CHRM3: variants seen among roughly 807,000 people sequenced by gnomAD.
CHRM3 encodes the protein cholinergic receptor muscarinic 3.
A neutral mutation model predicts 41.8 loss-of-function variants in CHRM3; 11 were observed. That is an observed-to-expected ratio of 0.26 (90% CI 0.17 to 0.44). CHRM3 has a LOEUF of 0.44. Among genes scored for constraint, CHRM3 ranks in the 20% least tolerant of loss-of-function variants. CHRM3 has a pLI of 1.00. For missense variants in CHRM3, 571 were observed against 745.4 expected, an observed-to-expected ratio of 0.77 and a Z score of 2.72; for synonymous variants, 297 against 301.4, an observed-to-expected ratio of 0.99 and a Z score of 0.15.
At chr1:239,873,354 T>A (rs540308222) in intron 6 of CHRM3, among the ~76,000 whole-genome samples, 20 of 152,228 alleles carry the variant, frequency 1.3e-4, no homozygotes, top group African/African-American at 2.4e-4. Context: ...TCTTTTTTTT[T>A]ATTTATTTTT....
At chr1:239,497,845 G>T (rs1244381311) in intron 2 of CHRM3, among the ~76,000 whole-genome samples, 1 of 152,178 alleles carries the variant, frequency 6.6e-6, no homozygotes, top group Non-Finnish European at 1.5e-5. Flanking sequence ...AGGGGGCAGG[G>T]ATCTGCCATG....
intron 3 of CHRM3, among the ~76,000 whole-genome samples, chr1:239,566,354 C>T (rs1661363155): frequency 6.6e-6 from 1 of 152,208 alleles, no homozygotes; most frequent in Admixed American, 6.5e-5. Context: ...TCCAGCAAGA[C>T]ATTACTCACT....
intron 1 of CHRM3, among the ~76,000 whole-genome samples, chr1:239,466,698 T>C (rs1198302269): frequency 6.6e-6 from 1 of 151,848 alleles, no homozygotes; most frequent in Non-Finnish European, 1.5e-5. Flanking sequence ...TCTGGGCCTC[T>C]AGCAATCCTC....
intron 3 of CHRM3, among the ~76,000 whole-genome samples, chr1:239,548,860 A>G (rs952950722): frequency 1.3e-5 from 2 of 152,222 alleles, no homozygotes; most frequent in Admixed American, 1.3e-4. Flanking sequence ...GGAAAAAAGC[A>G]AGGTTATGCG....
At chr1:239,588,417 A>G (rs1012471145) in intron 3 of CHRM3, among the ~76,000 whole-genome samples, 1 of 152,182 alleles carries the variant, frequency 6.6e-6, no homozygotes, top group Non-Finnish European at 1.5e-5. Flanking sequence ...ACCCTCAACA[A>G]AGAACTGTGG....
intron 4 of CHRM3, among the ~76,000 whole-genome samples, chr1:239,643,310 G>T (rs1431362722): frequency 1.3e-5 from 2 of 152,204 alleles, no homozygotes; most frequent in Non-Finnish European, 2.9e-5. Flanking sequence ...GTCAGACAGG[G>T]ACATTTAAGT....
intron 5 of CHRM3, among the ~76,000 whole-genome samples, chr1:239,701,076 A>G (rs1660642911): frequency 6.6e-6 from 1 of 152,218 alleles, no homozygotes; most frequent in East Asian, 1.9e-4. Flanking sequence ...TGTCTTCTTA[A>G]TAATAACTAA....
At chr1:239,418,492 A>G (rs1046668157) in intron 1 of CHRM3, among the ~76,000 whole-genome samples, 1 of 152,198 alleles carries the variant, frequency 6.6e-6, no homozygotes, top group African/African-American at 2.4e-5. Context: ...TGTGCATGCA[A>G]AGTTTCCCAT....
rs143864603 is a variant in CHRM3 at position 239,814,250 on chromosome 1, C to T, written c.-146-13002C>T. Among the ~76,000 whole-genome samples, 839 of 152,068 alleles carry T rather than the reference C, an allele frequency of 5.5e-3. 5 individuals are homozygous for T. Among genetic ancestry groups the T allele is most frequent in the Non-Finnish European group, 3.7e-3 (249 of 67,996 alleles). On this transcript the variant is annotated intron_variant, in intron 5 of 6. Transcript: ENST00000676153. The stretch of plus-strand genomic sequence containing the variant: ...TCTCTCTCAGTATTTTAAATTCATG[C>T]GCATTACCTAGGTTTTGCTCGTGGG...
At chr1:239,609,270 C>T (rs1666719150) in intron 3 of CHRM3, among the ~76,000 whole-genome samples, 3 of 152,092 alleles carry the variant, frequency 2.0e-5, no homozygotes, top group Admixed American at 2.0e-4. Context: ...TTTGATCTGG[C>T]TTCTTTCACT....
At chr1:239,406,549 G>A (rs868105766) in intron 1 of CHRM3, among the ~76,000 whole-genome samples, 1 of 152,150 alleles carries the variant, frequency 6.6e-6, no homozygotes, top group Non-Finnish European at 1.5e-5. Context: ...TTACTGAAGC[G>A]AAAGCTGGCC....
At chr1:239,858,179 G>A (rs752488002) in intron 6 of CHRM3, among the ~76,000 whole-genome samples, 4 of 152,158 alleles carry the variant, frequency 2.6e-5, no homozygotes, top group Non-Finnish European at 5.9e-5. Context: ...GTTTTCAATA[G>A]CTCTCCCACG....
At chr1:239,482,197 C>T (rs1213573056) in intron 1 of CHRM3, among the ~76,000 whole-genome samples, 2 of 152,134 alleles carry the variant, frequency 1.3e-5, no homozygotes, top group Non-Finnish European at 2.9e-5. Flanking sequence ...AGCCCAGAGA[C>T]ACCCACATGC....
intron 2 of CHRM3, among the ~76,000 whole-genome samples, chr1:239,532,159 C>A (rs532094593): frequency 6.8e-6 from 1 of 147,794 alleles, no homozygotes; most frequent in African/African-American, 2.5e-5. Context: ...ACTACAGGCG[C>A]TGCCACCACG....
intron 5 of CHRM3, among the ~76,000 whole-genome samples, chr1:239,810,864 A>G (rs898739468): frequency 2.6e-5 from 4 of 152,174 alleles, no homozygotes; most frequent in African/African-American, 9.7e-5. Flanking sequence ...AACATTTCTG[A>G]AAATCGCCAT....
At chr1:239,402,529 G>T (rs749809692) in intron 1 of CHRM3, among the ~76,000 whole-genome samples, 1 of 151,914 alleles carries the variant, frequency 6.6e-6, no homozygotes, top group Non-Finnish European at 1.5e-5. Context: ...CCCTTTCCCC[G>T]CTCTGTCATG....
chr1:239,768,222 A>G (rs977214428), intron 5 of CHRM3, among the ~76,000 whole-genome samples: 1 of 152,204 alleles, frequency 6.6e-6, no homozygotes, highest in African/African-American at 2.4e-5. Context: ...TCTATTTGGT[A>G]ACGTAAATTC....
intron 5 of CHRM3, among the ~76,000 whole-genome samples, chr1:239,817,306 T>G (rs1319063569): frequency 6.6e-6 from 1 of 152,202 alleles, no homozygotes; most frequent in Non-Finnish European, 1.5e-5. Context: ...TCTGTTTAAA[T>G]CCAGGCTAGC....
At chr1:239,610,678 C>G (rs1208448982) in intron 3 of CHRM3, among the ~76,000 whole-genome samples, 1 of 152,178 alleles carries the variant, frequency 6.6e-6, no homozygotes, top group Non-Finnish European at 1.5e-5. Flanking sequence ...GAGTATGTGA[C>G]AGAGTAGAGT....
Sources: allele counts gnomAD v4.1 joint callset (sites outside exome capture counted in the v4.1 genomes callset), GRCh38; gene constraint gnomAD v4.1.1; transcripts MANE v1.5; gene names NCBI Gene and HGNC (gene_info 2026-07-23, HGNC 2026-07-21).